The following BAZ1B variants were observed in gnomAD, a reference collection of about 807,000 sequenced individuals.
The protein encoded by BAZ1B is bromodomain adjacent to zinc finger domain 1B, also known as tyrosine-protein kinase BAZ1B.
A neutral mutation model predicts 153.8 loss-of-function variants in BAZ1B; 22 were observed. The ratio of observed to expected loss-of-function variants is 0.14; its 90% CI spans 0.10 to 0.20. The LOEUF (loss-of-function observed/expected upper bound fraction) is 0.20. BAZ1B is among the 10% of genes least tolerant of loss of function. BAZ1B has a pLI of 1.00. For synonymous variants in BAZ1B, 676 were observed against 633.4 expected (o/e 1.07, Z -1.01); for missense variants, 1,325 against 1,799.3 (o/e 0.74, Z 4.77).
intron 1 of BAZ1B, among the ~76,000 whole-genome samples, chr7:73,517,472 G>A (rs1221778293): frequency 2.6e-5 from 4 of 152,136 alleles, no homozygotes; most frequent in Admixed American, 6.5e-5. Flanking sequence ...ACTCCAGCCT[G>A]GGCAACAGAG....
At chr7:73,495,299 A>G (rs554733586) in intron 4 of BAZ1B, among the ~76,000 whole-genome samples, 2 of 152,304 alleles carry the variant, frequency 1.3e-5, no homozygotes, top group South Asian at 4.1e-4. Flanking sequence ...AAATAAATAA[A>G]TAAATAAATT....
chr7:73,496,631 G>T (rs554626882), intron 4 of BAZ1B, among the ~76,000 whole-genome samples: 2 of 152,074 alleles, frequency 1.3e-5, no homozygotes, highest in African/African-American at 4.8e-5. Flanking sequence ...GAGGCTGAAC[G>T]GTCTTCCCAG....
intron 6 of BAZ1B, among the ~76,000 whole-genome samples, chr7:73,487,159 A>G (rs540545509): frequency 1.3e-5 from 2 of 152,366 alleles, no homozygotes; most frequent in East Asian, 1.9e-4. Context: ...GCCAAATTTC[A>G]TAACATTAGT....
At chr7:73,466,239 T>G in intron 10 of BAZ1B, 57 bp downstream of exon 10, 1 of 1,287,942 alleles carries the variant, frequency 7.8e-7, no homozygotes, top group South Asian at 1.2e-5. Flanking sequence ...CTAAATACTT[T>G]CTTCCTTAAC....
In BAZ1B at chr7:73,508,474, A is replaced by G. The variant is rs1554578122; in HGVS notation, c.225-3T>C. ...AGGCAGGAAACTCCTCCTTCAAACT[A>G]AATAAATGTAATTAGTTATCAAGAA... On this transcript the variant is annotated splice_polypyrimidine_tract_variant and splice_region_variant and intron_variant, in intron 2 of 19. Transcript: ENST00000339594. 6.2e-7 allele frequency: 1 copy of G among 1,603,236 alleles called. No homozygotes were observed. The highest frequency in any genetic ancestry group is 1.7e-5 in the Admixed American group (1 of 57,650).
Position 73,477,686 on chromosome 7 carries a change from G to C in BAZ1B, c.1775C>G (p.Ala592Gly). The C allele has an allele frequency of 6.2e-7, 1 of 1,614,174 alleles. No individual in the cohort carries two copies. The highest frequency in any genetic ancestry group is 1.3e-5 in the African/African-American group (1 of 75,050). Residue 592 changes from alanine to glycine, a missense_variant, in exon 7 of 20, where the codon GCA (alanine) becomes GGA (glycine). Around this residue, in one of 9 missense-constraint regions of BAZ1B, gnomAD observed 154 missense variants for 266.3 expected, o/e 0.58. Transcript: ENST00000339594. The surrounding 1 kb of genome is among the most constrained non-coding windows in gnomAD (Gnocchi z 5.6). ...DQELTGKNLPAFRLVDTPEGL... is the reference protein window; with the variant it reads ...DQELTGKNLPGFRLVDTPEGL... ...TTCAGGGGTATCCACCAATCTGAATGCTGGAAGGTTTTTGCCAGTTAACTC... is the reference window on the plus strand; with the variant it reads ...TTCAGGGGTATCCACCAATCTGAATCCTGGAAGGTTTTTGCCAGTTAACTC...
intron 5 of BAZ1B, among the ~76,000 whole-genome samples, chr7:73,490,220 C>G (rs903014468): frequency 1.1e-4 from 17 of 152,108 alleles, no homozygotes; most frequent in African/African-American, 3.9e-4. Context: ...AATCACCTCC[C>G]CTGGTGACTA....
chr7:73,500,496 T>C (rs782365961), intron 3 of BAZ1B, among the ~76,000 whole-genome samples: 13 of 152,134 alleles, frequency 8.5e-5, no homozygotes, highest in African/African-American at 2.9e-4. Flanking sequence ...GGAGTTATGA[T>C]TGTGCACCGC....
intron 12 of BAZ1B, among the ~76,000 whole-genome samples, chr7:73,460,256 ACTAAATGG>A (rs1206523467): frequency 6.6e-6 from 1 of 150,862 alleles, no homozygotes; most frequent in Non-Finnish European, 1.5e-5. Context: ...TAAGGGATCC[ACTAAATGG>A]CAGAAGCCCC....
intron 5 of BAZ1B, among the ~76,000 whole-genome samples, chr7:73,492,002 T>A (rs1160534741): frequency 5.3e-5 from 8 of 149,704 alleles, no homozygotes; most frequent in Non-Finnish European, 1.2e-4. Flanking sequence ...TTTTTTTTTT[T>A]TTTTTTGAGA....
intron 1 of BAZ1B, among the ~76,000 whole-genome samples, chr7:73,516,367 A>G (rs1346873981): frequency 2.0e-5 from 3 of 151,992 alleles, no homozygotes; most frequent in African/African-American, 7.3e-5. Context: ...GAGTACTACA[A>G]AATTTTAAAT....
chr7:73,508,322 C>T lies in BAZ1B; in HGVS notation c.369+5G>A. 6.2e-7 allele frequency: 1 copy of T among 1,612,456 alleles called. No homozygotes were observed. Among genetic ancestry groups the T allele is most frequent in the Non-Finnish European group, 8.5e-7 (1 of 1,179,250 alleles). On this transcript the variant is annotated splice_donor_5th_base_variant and intron_variant, in intron 3 of 19. Coordinates refer to ENST00000339594, the MANE Select transcript of BAZ1B (RefSeq NM_032408.4). ...AAGTCAAATCAGAAACGAACAGGCA[C>T]TCACCTCGAAGTCACACTCTTCTCC... is the stretch of plus-strand genomic sequence containing the variant.
At chr7:73,459,063 A>C (rs760238973) in intron 13 of BAZ1B, among the ~76,000 whole-genome samples, 1 of 152,072 alleles carries the variant, frequency 6.6e-6, no homozygotes, top group South Asian at 2.1e-4. Context: ...TCTGGCCAAC[A>C]TGGTGAAACC....
At chr7:73,487,952 C>CTA (rs1554574677) in intron 6 of BAZ1B, among the ~76,000 whole-genome samples, 1 of 152,166 alleles carries the variant, frequency 6.6e-6, no homozygotes, top group Non-Finnish European at 1.5e-5. Flanking sequence ...GAGGTCTTTA[C>CTA]TAATGTTTTG....
At chr7:73,445,587 G>GAGATC (rs1787803445) in intron 16 of BAZ1B, among the ~76,000 whole-genome samples, 1 of 151,794 alleles carries the variant, frequency 6.6e-6, no homozygotes, top group Admixed American at 6.6e-5. Flanking sequence ...TGCCCTCAGA[G>GAGATC]AGATCAGGCG....
Position 73,497,065 on chromosome 7 carries a change from C to CAAAAAAAAAAAAAAAAAAAA in BAZ1B, c.571+1431_571+1432insTTTTTTTTTTTTTTTTTTTT, listed in dbSNP as rs1156829240. 2.8e-3 allele frequency among the ~76,000 whole-genome samples: 140 copies of CAAAAAAAAAAAAAAAAAAAA among 49,426 alleles called. 4 individuals carry two copies. Among genetic ancestry groups the CAAAAAAAAAAAAAAAAAAAA allele is most frequent in the African/African-American group, 9.9e-3 (111 of 11,256 alleles). The allele number at this position is 49,426 out of a possible 152,430, so 32.4% of individuals were successfully genotyped here. A position where few individuals can be genotyped will look rare whatever the true frequency, so the allele number is the denominator to read the frequency against. ...ACAACATCGTGAGAACTGACCTCTA[C>CAAAAAAAAAAAAAAAAAAAA]AAAAAAAAAAAAAAAAAACCTACAA... On this transcript the variant is annotated intron_variant, in intron 4 of 19. Coordinates refer to ENST00000339594, the MANE Select transcript of BAZ1B (RefSeq NM_032408.4).
chr7:73,489,124 A>C, intron 6 of BAZ1B, 70 bp downstream of exon 6: 1 of 1,466,972 alleles, frequency 6.8e-7, no homozygotes, highest in Non-Finnish European at 9.4e-7. Flanking sequence ...CTATAAATAT[A>C]AATATACTGG....
Position 73,477,198 on chromosome 7 carries a change from G to A in BAZ1B, c.2263C>T (p.Arg755Trp). 1.9e-6 allele frequency: 3 copies of A among 1,614,170 alleles called. No homozygotes were observed. The highest frequency in any genetic ancestry group is 2.5e-6 in the Non-Finnish European group (3 of 1,180,032). Residue 755 changes from arginine to tryptophan, a missense_variant, in exon 7 of 20, where the codon CGG (arginine) becomes TGG (tryptophan). By Grantham distance (101) the Arg-to-Trp change is moderately radical (BLOSUM62 -3). Coordinates refer to ENST00000339594, the MANE Select transcript of BAZ1B (RefSeq NM_032408.4). The surrounding 1 kb of genome is among the most constrained non-coding windows in gnomAD (Gnocchi z 5.6). ...TGCACTGAGTATGTCATGAGGATCC[G>A]GTGGCACAGTGCTGTCAAGATCTGT... Reference protein sequence around the residue: ...KLQILTALCHRILMTYSVQDH... With the variant: ...KLQILTALCHWILMTYSVQDH...
In BAZ1B at chr7:73,463,126, G is replaced by C. The variant is rs782763407; in HGVS notation, c.3072-27C>G. 25 of 1,550,132 alleles carry C rather than the reference G, an allele frequency of 1.6e-5. No homozygotes were observed. In the Admixed American group the frequency reaches 5.1e-4, roughly 32 times the overall value. ...TAGAAGATTTGGGACAAGAGAATGG[G>C]GAAAGAAACAAACTTTTGAAGATGT... is the stretch of plus-strand genomic sequence containing the variant. On this transcript the variant is annotated intron_variant, in intron 11 of 19. Coordinates refer to ENST00000339594, the MANE Select transcript of BAZ1B (RefSeq NM_032408.4).
Sources: allele counts gnomAD v4.1 joint callset (sites outside exome capture counted in the v4.1 genomes callset), GRCh38; gene constraint gnomAD v4.1.1; regional missense constraint gnomAD v4.1.1; non-coding constraint Gnocchi (gnomAD v3.1); transcripts MANE v1.5; gene names NCBI Gene and HGNC (gene_info 2026-07-23, HGNC 2026-07-21).